SGMS2: variants seen among roughly 807,000 people sequenced by gnomAD.
The protein encoded by SGMS2 is sphingomyelin synthase 2.
Under a neutral mutation model 43.8 loss-of-function variants are expected in SGMS2, and 21 were observed. The observed-to-expected ratio is 0.48, with a 90% CI of 0.34 to 0.69. The LOEUF (loss-of-function observed/expected upper bound fraction) is 0.69. Among genes scored for constraint, SGMS2 ranks in the 30% least tolerant of loss-of-function variants. The pLI is 0.01. For missense variants in SGMS2, 384 were observed against 443.2 expected, an observed-to-expected ratio of 0.87 and a Z score of 1.20; for synonymous variants, 167 against 160.6, an observed-to-expected ratio of 1.04 and a Z score of -0.30.
chr4:107,908,474 G>T, intron 5 of SGMS2, 91 bp from the exon 6 acceptor site: 1 of 1,275,610 alleles, frequency 7.8e-7, no homozygotes. Context: ...CCTGATCCTG[G>T]GTTATTCTAC....
rs142994889 is a variant in SGMS2 at position 107,870,876 on chromosome 4, C to G, written c.-245+12323C>G. 3.8e-4 allele frequency among the ~76,000 whole-genome samples: 58 copies of G among 152,190 alleles called. 2 individuals carry two copies. In the East Asian group the frequency reaches 9.1e-3, roughly 24 times the overall value. The stretch of plus-strand genomic sequence containing the variant: ...GCAATTTAAAGTGATTATTTATAGG[C>G]AAGCACTTTTATTTATATAGAGTCA... On this transcript the variant is annotated intron_variant, in intron 2 of 6. Transcript: ENST00000690982.
intron 2 of SGMS2, among the ~76,000 whole-genome samples, chr4:107,881,212 T>C (rs1393595782): frequency 1.3e-5 from 2 of 151,950 alleles, no homozygotes; most frequent in Non-Finnish European, 2.9e-5. Flanking sequence ...ATATACCAGA[T>C]AACAAACCTG....
intron 1 of SGMS2, among the ~76,000 whole-genome samples, chr4:107,837,645 C>T (rs1431140230): frequency 6.6e-6 from 1 of 152,132 alleles, no homozygotes; most frequent in Non-Finnish European, 1.5e-5. Context: ...GTCTGATTTA[C>T]ATCTGTAATA....
chr4:107,828,957 A>G (rs1270337909), intron 1 of SGMS2, among the ~76,000 whole-genome samples: 1 of 152,216 alleles, frequency 6.6e-6, no homozygotes, highest in African/African-American at 2.4e-5. Flanking sequence ...ATTAGCCATG[A>G]AGCTAAATGT....
At chr4:107,858,924 A>G (rs555025637) in intron 2 of SGMS2, among the ~76,000 whole-genome samples, 1 of 152,216 alleles carries the variant, frequency 6.6e-6, no homozygotes, top group African/African-American at 2.4e-5. Context: ...AAAACAGAAA[A>G]TCTTCAAAGA....
In SGMS2 at chr4:107,912,021, T is replaced by C. The variant is rs2126172801; in HGVS notation, c.*1468T>C. ...TGCGGGTAGAAGGAGGCAGTTATGT[T>C]TATATTGAAGGTGAAATTTTTCTTT... On this transcript the variant is annotated 3_prime_UTR_variant, in exon 7 of 7. Transcript: ENST00000690982. 1 of 152,240 alleles carries C rather than the reference T, an allele frequency of 6.6e-6. No homozygotes were observed. Among genetic ancestry groups the C allele is most frequent in the Admixed American group, 6.5e-5 (1 of 15,288 alleles). The allele number at this position is 152,240 out of a possible 1,614,324, so 9.4% of individuals were successfully genotyped here.
At chr4:107,836,342 A>G (rs1726171445) in intron 1 of SGMS2, among the ~76,000 whole-genome samples, 1 of 152,136 alleles carries the variant, frequency 6.6e-6, no homozygotes, top group South Asian at 2.1e-4. Context: ...TAAAAACTGA[A>G]TTATATCATG....
At chr4:107,870,768 C>G (rs1013813925) in intron 2 of SGMS2, among the ~76,000 whole-genome samples, 4 of 151,890 alleles carry the variant, frequency 2.6e-5, no homozygotes, top group African/African-American at 7.3e-5. Context: ...TAGGCTGCTT[C>G]TTTGTTTCAT....
rs1445168325 is a variant in SGMS2 at position 107,903,377 on chromosome 4, A to C, written c.718A>C (p.Ile240Leu). The C allele has an allele frequency of 6.2e-7, 1 of 1,613,876 alleles. No individual in the cohort carries two copies. Among genetic ancestry groups the C allele is most frequent in the South Asian group, 1.1e-5 (1 of 91,080 alleles). The part of the protein sequence containing the change: ...TVTLTLTYLF[I>L]KEYSPRHFWW... ...TACGCTGACACTGACTTATTTGTTCATCAAAGAATGTAAGTAATAGCCCAT... is the reference window on the plus strand; with the variant it reads ...TACGCTGACACTGACTTATTTGTTCCTCAAAGAATGTAAGTAATAGCCCAT... Residue 240 changes from isoleucine to leucine, a missense_variant, in exon 5 of 7, where the codon ATC (isoleucine) becomes CTC (leucine). Physicochemically the swap from Ile to Leu is conservative, Grantham distance 5 (BLOSUM62 2). Coordinates refer to ENST00000690982, the MANE Select transcript of SGMS2 (RefSeq NM_001375905.1).
intron 1 of SGMS2, among the ~76,000 whole-genome samples, chr4:107,828,201 C>T (rs929913606): frequency 6.6e-6 from 1 of 151,966 alleles, no homozygotes; most frequent in Non-Finnish European, 1.5e-5. Flanking sequence ...CTATCTGCCC[C>T]CTCTTTATAT....
chr4:107,833,075 A>G (rs946076442), intron 1 of SGMS2, among the ~76,000 whole-genome samples: 2 of 152,204 alleles, frequency 1.3e-5, no homozygotes, highest in African/African-American at 4.8e-5. Flanking sequence ...AGTGTTATCA[A>G]GCATTTCCCT....
chr4:107,887,205 T>C (rs537166044), intron 2 of SGMS2, among the ~76,000 whole-genome samples: 1 of 152,298 alleles, frequency 6.6e-6, no homozygotes, highest in South Asian at 2.1e-4. Context: ...TCTCCACAGT[T>C]ATCAGAAACC....
chr4:107,882,447 C>G (rs1316740258), intron 2 of SGMS2, among the ~76,000 whole-genome samples: 1 of 152,046 alleles, frequency 6.6e-6, no homozygotes, highest in Non-Finnish European at 1.5e-5. Flanking sequence ...TATTTTTTTA[C>G]TCAGACTATT....
chr4:107,830,187 A>G (rs1381800998), intron 1 of SGMS2, among the ~76,000 whole-genome samples: 1 of 152,188 alleles, frequency 6.6e-6, no homozygotes, highest in Non-Finnish European at 1.5e-5. Flanking sequence ...AGCTACATCC[A>G]TGTTGCCACA....
At chr4:107,861,152 T>G (rs1191011788) in intron 2 of SGMS2, among the ~76,000 whole-genome samples, 1 of 152,192 alleles carries the variant, frequency 6.6e-6, no homozygotes, top group East Asian at 1.9e-4. Context: ...AATTTAGCTC[T>G]CAGGGTATAC....
intron 1 of SGMS2, among the ~76,000 whole-genome samples, chr4:107,825,707 C>G (rs1725551662): frequency 6.6e-6 from 1 of 150,870 alleles, no homozygotes; most frequent in Non-Finnish European, 1.5e-5. Context: ...CACCGAAACC[C>G]TTCAACGTGT....
chr4:107,883,205 A>G (rs977696966), intron 2 of SGMS2, among the ~76,000 whole-genome samples: 1 of 152,240 alleles, frequency 6.6e-6, no homozygotes, highest in Non-Finnish European at 1.5e-5. Context: ...TTCTGTAGCC[A>G]TAAGTATCGA....
chr4:107,907,611 C>CA (rs1301933489), intron 5 of SGMS2, among the ~76,000 whole-genome samples: 8 of 152,064 alleles, frequency 5.3e-5, no homozygotes, highest in African/African-American at 1.9e-4. Context: ...AACTCCCTCT[C>CA]AAAAAATAAA....
chr4:107,847,073 C>T (rs1316198335), intron 1 of SGMS2, among the ~76,000 whole-genome samples: 2 of 151,852 alleles, frequency 1.3e-5, no homozygotes, highest in African/African-American at 4.8e-5. Context: ...TGCCTGTTCA[C>T]TCTGATGGTA....
Sources: gnomAD v4.1 joint callset for allele counts (sites outside exome capture counted in the v4.1 genomes callset) on GRCh38, gnomAD v4.1.1 for gene constraint, MANE v1.5 for transcripts, NCBI Gene and HGNC (gene_info 2026-07-23, HGNC 2026-07-21) for gene names.